CACNA2D3: variants seen among roughly 807,000 people sequenced by gnomAD.
The protein encoded by CACNA2D3 is calcium voltage-gated channel auxiliary subunit alpha2delta 3.
In CACNA2D3, 60 loss-of-function variants were observed where a neutral mutation model predicts 160.6. That is an observed-to-expected ratio of 0.37 (90% CI 0.30 to 0.46). CACNA2D3 has a LOEUF of 0.46. Among genes scored for constraint, CACNA2D3 ranks in the 20% least tolerant of loss-of-function variants. The pLI is 1.00. For missense variants in CACNA2D3, 1,205 were observed against 1,365.0 expected, an observed-to-expected ratio of 0.88 and a Z score of 1.85; for synonymous variants, 558 against 492.9, an observed-to-expected ratio of 1.13 and a Z score of -1.75.
intron 4 of CACNA2D3, among the ~76,000 whole-genome samples, chr3:54,474,735 G>A (rs1282044866): frequency 6.6e-6 from 1 of 151,974 alleles, no homozygotes; most frequent in South Asian, 2.1e-4. Context: ...GGCTGGTCTA[G>A]GTCCCAGGAT....
chr3:54,330,643 A>G (rs1704228449), intron 3 of CACNA2D3, among the ~76,000 whole-genome samples: 1 of 152,238 alleles, frequency 6.6e-6, no homozygotes, highest in South Asian at 2.1e-4. Context: ...CATGGGTACC[A>G]GCTGCACAGA....
chr3:54,246,958 G>A (rs925748352), intron 2 of CACNA2D3, among the ~76,000 whole-genome samples: 5 of 152,166 alleles, frequency 3.3e-5, no homozygotes, highest in African/African-American at 1.2e-4. Context: ...GAGGAAGAAT[G>A]AGCAGACTAA....
intron 2 of CACNA2D3, among the ~76,000 whole-genome samples, chr3:54,287,051 G>T (rs866287734): frequency 0.034 from 5,164 of 151,184 alleles, 316 homozygotes; most frequent in African/African-American, 0.12. Flanking sequence ...AACATCATAA[G>T]GATAGGATCA....
At chr3:54,974,796 A>G (rs944022660) in intron 29 of CACNA2D3, among the ~76,000 whole-genome samples, 2 of 151,880 alleles carry the variant, frequency 1.3e-5, no homozygotes, top group Non-Finnish European at 2.9e-5. Context: ...GTCTGTTTGA[A>G]CTCCTAATTT....
At chr3:54,476,436 C>T (rs184838891) in intron 4 of CACNA2D3, among the ~76,000 whole-genome samples, 1 of 151,934 alleles carries the variant, frequency 6.6e-6, no homozygotes, top group Non-Finnish European at 1.5e-5. Context: ...AATGAGATTG[C>T]TGGATCATAT....
chr3:54,736,074 CATATATATGTATGTGTATATATAT>C lies in CACNA2D3; in HGVS notation c.1168-16523_1168-16500del, dbSNP rs1559563677. Among the ~76,000 whole-genome samples the C allele has an allele frequency of 4.4e-4, 13 of 29,522 alleles. 1 individual carries two copies. The highest frequency in any genetic ancestry group is 1.1e-3 in the African/African-American group (9 of 8,530). 19.4% of individuals were successfully genotyped at this position (29,522 alleles called of 152,430 possible). ...ATACATATGTATGTATATATATATACATATATATGTATGTGTATATATATACATATATATGTATATATATACATA... is the reference window on the plus strand; with the variant it reads ...ATACATATGTATGTATATATATATACACATATATATGTATATATATACATA... On this transcript the variant is annotated intron_variant, in intron 11 of 37. Coordinates refer to ENST00000474759, the MANE Select transcript of CACNA2D3 (RefSeq NM_018398.3).
intron 10 of CACNA2D3, chr3:54,632,442 G>C (rs1699261311): frequency 6.6e-6 from 1 of 152,210 alleles, no homozygotes; most frequent in African/African-American, 2.4e-5. Flanking sequence ...TTGTTGCTGA[G>C]TTTATTCAAT....
chr3:54,975,417 G>T (rs1702365360), intron 29 of CACNA2D3, among the ~76,000 whole-genome samples: 1 of 151,442 alleles, frequency 6.6e-6, no homozygotes, highest in South Asian at 2.1e-4. Context: ...TACTCAGGAG[G>T]CTGAAGCAGG....
At chr3:54,870,214 G>T (rs1350489879) in intron 17 of CACNA2D3, among the ~76,000 whole-genome samples, 2 of 152,162 alleles carry the variant, frequency 1.3e-5, no homozygotes, top group African/African-American at 4.8e-5. Flanking sequence ...CCCACTGGGG[G>T]TCAGTTTACA....
In CACNA2D3 at chr3:54,296,425, A is replaced by G. The variant is rs1009758762; in HGVS notation, c.205-24017A>G. Among the ~76,000 whole-genome samples the G allele has an allele frequency of 3.9e-5, 6 of 152,334 alleles. No homozygotes were observed. In the East Asian group the frequency reaches 1.2e-3, roughly 29 times the overall value. On this transcript the variant is annotated intron_variant, in intron 2 of 37. Transcript: ENST00000474759. ...CATCACATAGACCCAGGTCTGTTGG[A>G]GAAGGAAACTTACTAACCTAAGATG...
At chr3:54,301,100 CAAAT>C (rs1206510741) in intron 2 of CACNA2D3, among the ~76,000 whole-genome samples, 1 of 150,900 alleles carries the variant, frequency 6.6e-6, no homozygotes, top group Non-Finnish European at 1.5e-5. Context: ...ATCAAAAGAA[CAAAT>C]AAATTAGCCA....
chr3:54,284,609 T>C (rs1702963253), intron 2 of CACNA2D3, among the ~76,000 whole-genome samples: 1 of 152,180 alleles, frequency 6.6e-6, no homozygotes, highest in Non-Finnish European at 1.5e-5. Context: ...CTCTGAACAG[T>C]AAACATCTCT....
intron 4 of CACNA2D3, among the ~76,000 whole-genome samples, chr3:54,400,597 A>G (rs114386914): frequency 0.026 from 4,032 of 152,262 alleles, 179 homozygotes; most frequent in African/African-American, 0.092. Context: ...CCAAACTCCT[A>G]CAGCCTAGTC....
At chr3:54,265,878 G>T (rs1401861202) in intron 2 of CACNA2D3, among the ~76,000 whole-genome samples, 1 of 151,960 alleles carries the variant, frequency 6.6e-6, no homozygotes, top group East Asian at 1.9e-4. Flanking sequence ...GCCTTTTGAG[G>T]TTCAAGTTTA....
chr3:54,345,730 A>C (rs1289316450), intron 3 of CACNA2D3, among the ~76,000 whole-genome samples: 1 of 152,194 alleles, frequency 6.6e-6, no homozygotes, highest in African/African-American at 2.4e-5. Context: ...AAGCACCTCT[A>C]AGCCTAACGT....
chr3:54,801,376 G>C (rs1316326549), intron 13 of CACNA2D3, among the ~76,000 whole-genome samples: 1 of 152,070 alleles, frequency 6.6e-6, no homozygotes, highest in Non-Finnish European at 1.5e-5. Context: ...AGTGTAACTT[G>C]GGACAACTTT....
At chr3:54,938,375 G>A (rs1474330057) in intron 27 of CACNA2D3, among the ~76,000 whole-genome samples, 3 of 152,146 alleles carry the variant, frequency 2.0e-5, no homozygotes, top group Admixed American at 6.5e-5. Flanking sequence ...GCAGCCCCTG[G>A]GGCCATCCAT....
intron 2 of CACNA2D3, among the ~76,000 whole-genome samples, chr3:54,158,020 A>T (rs1049172880): frequency 6.6e-6 from 1 of 152,218 alleles, no homozygotes. Context: ...GGTGGGAGGC[A>T]TTGCAGCTTC....
chr3:54,320,362 G>C (rs1312759536), intron 2 of CACNA2D3, 80 bp from the exon 3 acceptor site: 6 of 593,888 alleles, frequency 1.0e-5, no homozygotes, highest in Non-Finnish European at 1.5e-5. Context: ...TTTATTCCTT[G>C]TGGGTAGATG....
Sources: gnomAD v4.1 joint callset for allele counts (sites outside exome capture counted in the v4.1 genomes callset) on GRCh38, gnomAD v4.1.1 for gene constraint, MANE v1.5 for transcripts, NCBI Gene and HGNC (gene_info 2026-07-23, HGNC 2026-07-21) for gene names.